Variants in MEI4 observed in about 807,000 individuals in gnomAD.
MEI4 encodes meiosis-specific protein MEI4.
A neutral mutation model predicts 31.4 loss-of-function variants in MEI4; 27 were observed. The ratio of observed to expected loss-of-function variants is 0.86; its 90% CI spans 0.63 to 1.19. The LOEUF is 1.19. Ranked by LOEUF, MEI4 falls within the 50% of genes most tolerant of loss-of-function variation. The pLI, the probability that MEI4 is intolerant of heterozygous loss-of-function variation, is 0.00. For missense variants in MEI4, 329 were observed against 398.9 expected, an observed-to-expected ratio of 0.82 and a Z score of 1.49; for synonymous variants, 122 against 145.4, an observed-to-expected ratio of 0.84 and a Z score of 1.16.
At chr6:77,748,376 A>G (rs190402461) in intron 2 of MEI4, among the ~76,000 whole-genome samples, 30 of 152,338 alleles carry the variant, frequency 2.0e-4, no homozygotes, top group African/African-American at 7.0e-4. Flanking sequence ...TGCAGGCCCA[A>G]CACCATGTGG....
intron 1 of MEI4, among the ~76,000 whole-genome samples, chr6:77,674,020 A>G (rs1300122325): frequency 6.6e-6 from 1 of 152,196 alleles, no homozygotes. Context: ...TCTTCTATAT[A>G]TGTGGAAGAA....
chr6:77,715,843 C>T lies in MEI4; in HGVS notation c.232+24940C>T, dbSNP rs574843527. On this transcript the variant is annotated intron_variant, in intron 2 of 4. Transcript: ENST00000684080. ...ATGCTTCAAATATTTTATTCAATGG[C>T]GAAATGAAAGGCATTTAATTTCTTG... Among the ~76,000 whole-genome samples the T allele has an allele frequency of 3.3e-5, 5 of 151,600 alleles. No homozygotes were observed. The South Asian group carries it at 8.4e-4, about 25-fold the overall frequency.
chr6:77,814,453 T>C (rs546531771), intron 3 of MEI4, among the ~76,000 whole-genome samples: 1 of 152,226 alleles, frequency 6.6e-6, no homozygotes, highest in South Asian at 2.1e-4. Context: ...GGGAACACCA[T>C]GGGCCAAGTG....
chr6:77,800,334 C>T (rs1769216231), intron 3 of MEI4, among the ~76,000 whole-genome samples: 2 of 152,066 alleles, frequency 1.3e-5, no homozygotes, highest in African/African-American at 4.8e-5. Flanking sequence ...GTGATTTTTG[C>T]ACATTGATTT....
At chr6:77,919,790 G>C (rs1316720339) in intron 4 of MEI4, among the ~76,000 whole-genome samples, 4 of 148,412 alleles carry the variant, frequency 2.7e-5, no homozygotes, top group South Asian at 2.2e-4. Context: ...GAATCAAATA[G>C]ACGCAATAAA....
At chr6:77,785,565 T>C (rs1768714132) in intron 3 of MEI4, among the ~76,000 whole-genome samples, 1 of 152,208 alleles carries the variant, frequency 6.6e-6, no homozygotes, top group African/African-American at 2.4e-5. Context: ...TACATAATTC[T>C]GCAAAGCAGT....
chr6:77,923,442 C>G lies in MEI4; in HGVS notation c.*96C>G. 6.2e-6 allele frequency: 6 copies of G among 963,612 alleles called. No homozygotes were observed. Among genetic ancestry groups the G allele is most frequent in the Non-Finnish European group, 8.0e-6 (6 of 745,474 alleles). The allele number at this position is 963,612 out of a possible 1,614,324, so 59.7% of individuals were successfully genotyped here. A position where few individuals can be genotyped will look rare whatever the true frequency, so the allele number is the denominator to read the frequency against. ...AGATTTTCAATAGTATTTTAATTAG[C>G]ATTTTAGAATTGATCTCTAAATATA... On this transcript the variant is annotated 3_prime_UTR_variant, in exon 5 of 5. Coordinates refer to ENST00000684080, the MANE Select transcript of MEI4 (RefSeq NM_001322247.2).
chr6:77,700,334 T>C (rs1431979653), intron 2 of MEI4, among the ~76,000 whole-genome samples: 1 of 152,172 alleles, frequency 6.6e-6, no homozygotes, highest in Non-Finnish European at 1.5e-5. Flanking sequence ...CCTTGTAGTT[T>C]GATCTGACAC....
chr6:77,690,256 G>A (rs1400802778), intron 1 of MEI4, among the ~76,000 whole-genome samples: 1 of 151,844 alleles, frequency 6.6e-6, no homozygotes, highest in Non-Finnish European at 1.5e-5. Flanking sequence ...TTATTCAGTG[G>A]ACTCATTTTC....
At chr6:77,757,128 C>T (rs1341726107) in intron 2 of MEI4, among the ~76,000 whole-genome samples, 2 of 152,184 alleles carry the variant, frequency 1.3e-5, no homozygotes, top group Non-Finnish European at 2.9e-5. Context: ...GCTTCGTTTC[C>T]TAATTGGCAA....
intron 2 of MEI4, among the ~76,000 whole-genome samples, chr6:77,760,582 C>T (rs762558245): frequency 6.6e-6 from 1 of 152,068 alleles, no homozygotes; most frequent in African/African-American, 2.4e-5. Context: ...TGTATTTATG[C>T]GTTTACATTT....
At chr6:77,651,321 G>T (rs2127639563), upstream of MEI4, among the ~76,000 whole-genome samples, 1 of 152,330 alleles carries the variant, frequency 6.6e-6, no homozygotes, top group Non-Finnish European at 1.5e-5. Flanking sequence ...GAAGAGGCAG[G>T]AATTAAGTCT....
rs1301728906 is a variant in MEI4, at chr6:77,820,317, T to G, written c.769-8614T>G. Among the ~76,000 whole-genome samples, 1 of 151,978 alleles carries G rather than the reference T, an allele frequency of 6.6e-6. No homozygotes were observed. The highest frequency in any genetic ancestry group is 1.5e-5 in the Non-Finnish European group (1 of 67,986). On this transcript the variant is annotated intron_variant, in intron 3 of 4. Coordinates refer to ENST00000684080, the MANE Select transcript of MEI4 (RefSeq NM_001322247.2). This position sits in a 1 kb window ranked among gnomAD's most constrained non-coding sequence, Gnocchi z 4.5. ...AGGCTGGAGGGCAATAGCGCGATCTTGGCTCACTTTGGCTCACTGCTGCAG... is the reference window on the plus strand; with the variant it reads ...AGGCTGGAGGGCAATAGCGCGATCTGGGCTCACTTTGGCTCACTGCTGCAG...
intron 3 of MEI4, among the ~76,000 whole-genome samples, chr6:77,773,828 CTAA>C (rs1220705368): frequency 6.6e-6 from 1 of 151,936 alleles, no homozygotes; most frequent in African/African-American, 2.4e-5. Flanking sequence ...AGAAAAACAT[CTAA>C]TAATCTGATT....
chr6:77,923,463 A>C lies in MEI4; in HGVS notation c.*117A>C, dbSNP rs1766759762. 1 of 809,138 alleles carries C rather than the reference A, an allele frequency of 1.2e-6. No homozygotes were observed. Among genetic ancestry groups the C allele is most frequent in the Admixed American group, 4.4e-5 (1 of 22,966 alleles). The allele number at this position is 809,138 out of a possible 1,614,324, so 50.1% of individuals were successfully genotyped here. The stretch of plus-strand genomic sequence containing the variant: ...TTAGCATTTTAGAATTGATCTCTAA[A>C]TATAATTATCAATTCAACTTAATGG... On this transcript the variant is annotated 3_prime_UTR_variant, in exon 5 of 5. Transcript: ENST00000684080.
At chr6:77,898,214 TAG>T (rs1031041875) in intron 4 of MEI4, among the ~76,000 whole-genome samples, 1 of 152,002 alleles carries the variant, frequency 6.6e-6, no homozygotes, top group Admixed American at 6.6e-5. Context: ...AAATGGCTCA[TAG>T]AGAGTTAACT....
chr6:77,921,812 A>T (rs1248777272), intron 4 of MEI4, among the ~76,000 whole-genome samples: 2 of 151,808 alleles, frequency 1.3e-5, no homozygotes, highest in African/African-American at 4.8e-5. Flanking sequence ...GTCAGAACAC[A>T]CACACTTATC....
chr6:77,826,359 T>A (rs1769951482), intron 3 of MEI4, among the ~76,000 whole-genome samples: 1 of 152,166 alleles, frequency 6.6e-6, no homozygotes, highest in African/African-American at 2.4e-5. Context: ...CCTTTGTGAT[T>A]TTCTAATTAG....
intron 3 of MEI4, among the ~76,000 whole-genome samples, chr6:77,784,286 C>G (rs1046218491): frequency 2.6e-5 from 4 of 152,104 alleles, no homozygotes; most frequent in Admixed American, 6.6e-5. Context: ...AATATGGGTA[C>G]TACTGAAGTT....
Sources: allele counts gnomAD v4.1 joint callset (sites outside exome capture counted in the v4.1 genomes callset), GRCh38; gene constraint gnomAD v4.1.1; non-coding constraint Gnocchi (gnomAD v3.1); transcripts MANE v1.5; gene names NCBI Gene and HGNC (gene_info 2026-07-23, HGNC 2026-07-21).